Variants in LAMA2 observed in about 807,000 individuals in gnomAD.
The protein encoded by LAMA2 is laminin subunit alpha-2.
LAMA2 carries 269 observed loss-of-function variants against 364.8 expected under a neutral mutation model. The ratio of observed to expected loss-of-function variants is 0.74; its 90% CI spans 0.67 to 0.82. The LOEUF (loss-of-function observed/expected upper bound fraction) is 0.82, where lower values mean the gene tolerates loss of function less well. Ranked by LOEUF, LAMA2 falls within the 40% of genes least tolerant of loss-of-function variation. LAMA2 has a pLI of 0.00. For missense variants in LAMA2, 3,807 were observed against 3,873.2 expected (o/e 0.98, Z 0.45); for synonymous variants, 1,379 against 1,370.6 (o/e 1.01, Z -0.14).
At chr6:129,450,013 C>T (rs768709409) in intron 45 of LAMA2, among the ~76,000 whole-genome samples, 1 of 151,930 alleles carries the variant, frequency 6.6e-6, no homozygotes, top group Non-Finnish European at 1.5e-5. Context: ...ACCATGTTGG[C>T]CAGGATTGTC....
chr6:129,292,904 C>T, intron 20 of LAMA2: 2 of 985,888 alleles, frequency 2.0e-6, no homozygotes, highest in Non-Finnish European at 2.4e-6. Context: ...GAAGATGTGT[C>T]TGTAAATCAG....
chr6:129,488,802 C>G (rs1031448682), intron 56 of LAMA2, among the ~76,000 whole-genome samples: 16 of 152,248 alleles, frequency 1.1e-4, no homozygotes, highest in Admixed American at 3.3e-4. Flanking sequence ...GACCAGAGAT[C>G]GCAAGTGACC....
At chr6:128,996,551 A>G (rs1383151768) in intron 1 of LAMA2, among the ~76,000 whole-genome samples, 1 of 152,270 alleles carries the variant, frequency 6.6e-6, no homozygotes, top group Non-Finnish European at 1.5e-5. Flanking sequence ...GTAATTAGAG[A>G]AATGCAAATC....
In LAMA2 at chr6:128,952,159, C is replaced by T. The variant is rs908048295; in HGVS notation, c.112+68802C>T. ...TCCAGCCTGGGCAATGGAGCAAGAC[C>T]CTGTCTTGAAAAAAGAAAACAAAAA... On this transcript the variant is annotated intron_variant, in intron 1 of 64. Coordinates refer to ENST00000421865, the MANE Select transcript of LAMA2 (RefSeq NM_000426.4). Among the ~76,000 whole-genome samples, 79 of 151,866 alleles carry T rather than the reference C, an allele frequency of 5.2e-4. 2 individuals carry two copies. Among genetic ancestry groups the T allele is most frequent in the Non-Finnish European group, 2.9e-5 (2 of 67,980 alleles).
chr6:128,895,491 A>G (rs1187427101), intron 1 of LAMA2, among the ~76,000 whole-genome samples: 4 of 143,546 alleles, frequency 2.8e-5, no homozygotes, highest in Non-Finnish European at 4.6e-5. Flanking sequence ...AAAAAAAAAA[A>G]GCAAAAATTA....
intron 1 of LAMA2, chr6:128,929,980 T>A: frequency 3.3e-6 from 2 of 610,052 alleles, no homozygotes; most frequent in Non-Finnish European, 2.9e-6. Flanking sequence ...GGAGGCGATC[T>A]TTGCGCACGG....
At chr6:129,075,138 T>C (rs1486247726) in intron 3 of LAMA2, among the ~76,000 whole-genome samples, 1 of 152,130 alleles carries the variant, frequency 6.6e-6, no homozygotes, top group Non-Finnish European at 1.5e-5. Flanking sequence ...TTTACATGTA[T>C]GTTCTATGTA....
chr6:129,126,282 A>C (rs1219119587), intron 4 of LAMA2, among the ~76,000 whole-genome samples: 1 of 152,228 alleles, frequency 6.6e-6, no homozygotes, highest in Admixed American at 6.5e-5. Context: ...TTGTTTTTCA[A>C]TGAACATCTG....
At chr6:129,305,261 G>T (rs531388546) in intron 22 of LAMA2, among the ~76,000 whole-genome samples, 4 of 150,872 alleles carry the variant, frequency 2.7e-5, no homozygotes, top group Non-Finnish European at 5.9e-5. Flanking sequence ...AATGGTGTTT[G>T]TGTGGTATAT....
chr6:128,981,053 T>A (rs948727607), intron 1 of LAMA2, among the ~76,000 whole-genome samples: 1 of 152,136 alleles, frequency 6.6e-6, no homozygotes. Flanking sequence ...GTGAAGGACA[T>A]TCTAATCATC....
At chr6:129,204,477 G>GA (rs11423987) in intron 12 of LAMA2, among the ~76,000 whole-genome samples, 32,589 of 131,322 alleles carry the variant, frequency 0.25, 4,334 homozygotes, top group African/African-American at 0.4. Flanking sequence ...GTATCCTTAT[G>GA]AAAAAAAAAA....
At chr6:129,229,590 G>A (rs1784547701) in intron 12 of LAMA2, among the ~76,000 whole-genome samples, 2 of 152,124 alleles carry the variant, frequency 1.3e-5, no homozygotes, top group Non-Finnish European at 2.9e-5. Flanking sequence ...TTGAGAGTTG[G>A]TTGAATGAGG....
chr6:129,334,988 T>C (rs1009777097), intron 29 of LAMA2, among the ~76,000 whole-genome samples: 3 of 152,222 alleles, frequency 2.0e-5, no homozygotes, highest in South Asian at 2.1e-4. Flanking sequence ...CCCAACATGA[T>C]GATATTTGGA....
intron 3 of LAMA2, among the ~76,000 whole-genome samples, chr6:129,084,925 G>T (rs1583013494): frequency 6.6e-6 from 1 of 152,090 alleles, no homozygotes; most frequent in African/African-American, 2.4e-5. Flanking sequence ...GAATTACATG[G>T]TGTTCTGTTA....
intron 14 of LAMA2, among the ~76,000 whole-genome samples, chr6:129,258,446 A>G (rs1054610090): frequency 6.6e-6 from 1 of 152,066 alleles, no homozygotes; most frequent in Non-Finnish European, 1.5e-5. Context: ...GCTGCAATGA[A>G]GTTATCTAGA....
At chr6:129,488,754 C>A (rs1784718839) in intron 56 of LAMA2, among the ~76,000 whole-genome samples, 1 of 152,146 alleles carries the variant, frequency 6.6e-6, no homozygotes, top group Non-Finnish European at 1.5e-5. Context: ...GGTTAAAATG[C>A]AATCTACTCT....
chr6:129,460,380 AT>A, intron 49 of LAMA2, 56 bp downstream of exon 49: 1 of 1,511,332 alleles, frequency 6.6e-7, no homozygotes. Flanking sequence ...AAAAGCTTCG[AT>A]TTTATTGCAT....
chr6:129,383,639 A>G (rs569685442), intron 35 of LAMA2, among the ~76,000 whole-genome samples: 1 of 152,348 alleles, frequency 6.6e-6, no homozygotes, highest in East Asian at 1.9e-4. Context: ...CTTTTCAAAT[A>G]CTGGGGACTG....
In LAMA2 at chr6:129,463,092, A is replaced by G. The variant is rs529121524; in HGVS notation, c.6993-1198A>G. The stretch of plus-strand genomic sequence containing the variant: ...AATCTGCTGCAAGTAAAATTTAGTT[A>G]GCTGAGCATTGAAATGGTGATATTT... On this transcript the variant is annotated intron_variant, in intron 49 of 64. Coordinates refer to ENST00000421865, the MANE Select transcript of LAMA2 (RefSeq NM_000426.4). Among the ~76,000 whole-genome samples the G allele has an allele frequency of 9.2e-5, 14 of 152,062 alleles. No individual in the cohort carries two copies. The South Asian group carries it at 1.0e-3, about 11-fold the overall frequency.
Sources: allele counts gnomAD v4.1 joint callset (sites outside exome capture counted in the v4.1 genomes callset), GRCh38; gene constraint gnomAD v4.1.1; transcripts MANE v1.5; gene names NCBI Gene and HGNC (gene_info 2026-07-23, HGNC 2026-07-21).